Variants in EFEMP1 observed in about 807,000 individuals in gnomAD.
The protein encoded by EFEMP1 is EGF-containing fibulin-like extracellular matrix protein 1.
A neutral mutation model predicts 65.7 loss-of-function variants in EFEMP1; 18 were observed. The ratio of observed to expected loss-of-function variants is 0.27; its 90% CI spans 0.19 to 0.41. EFEMP1 has a LOEUF of 0.41. Ranked by LOEUF, EFEMP1 falls within the 10% of genes least tolerant of loss-of-function variation. The probability of loss-of-function intolerance (pLI) is 1.00; values close to 1 mark genes in which losing one functional copy is unlikely to be tolerated. For synonymous variants in EFEMP1, 237 were observed against 219.7 expected, an observed-to-expected ratio of 1.08 and a Z score of -0.70; for missense variants, 469 against 624.8, an observed-to-expected ratio of 0.75 and a Z score of 2.66.
rs887974778 is a variant in EFEMP1, at chr2:55,921,005, G to C, written c.81+1355C>G. 6.6e-6 allele frequency among the ~76,000 whole-genome samples: 1 copy of C among 152,156 alleles called. No homozygotes were observed. Reference sequence around the variant, plus strand: ...TTAAAACTATCATGTTTAAGCCACAGGGAACCTTCTCTGGTAAAAATGAGG... The same window carrying C: ...TTAAAACTATCATGTTTAAGCCACACGGAACCTTCTCTGGTAAAAATGAGG... On this transcript the variant is annotated intron_variant, in intron 3 of 11. Coordinates refer to ENST00000355426, the MANE Select transcript of EFEMP1 (RefSeq NM_001039348.3). The surrounding 1 kb of genome is among the most constrained non-coding windows in gnomAD (Gnocchi z 4.1).
At chr2:55,891,326 A>G (rs377764531) in intron 5 of EFEMP1, among the ~76,000 whole-genome samples, 16 of 152,212 alleles carry the variant, frequency 1.1e-4, no homozygotes, top group African/African-American at 3.8e-4. Flanking sequence ...GTGTTTAAAA[A>G]CAGTGTTAAC....
intron 6 of EFEMP1, among the ~76,000 whole-genome samples, chr2:55,878,099 T>C (rs1443897825): frequency 2.6e-5 from 4 of 152,142 alleles, no homozygotes; most frequent in East Asian, 1.9e-4. Flanking sequence ...GGTGGGTGGA[T>C]TGAGATTTAA....
In EFEMP1 at chr2:55,866,029, C is replaced by T. The variant is rs1228344933; in HGVS notation, c.*1044G>A. ...ATGATACATCAAAGTAAAGCAGTGA[C>T]ATTTTAAACAAGGAGACGTATAAAA... is the stretch of plus-strand genomic sequence containing the variant. On this transcript the variant is annotated 3_prime_UTR_variant, in exon 12 of 12. Transcript: ENST00000355426. 2 of 152,050 alleles carry T rather than the reference C, an allele frequency of 1.3e-5. No homozygotes were observed. Among genetic ancestry groups the T allele is most frequent in the East Asian group, 3.9e-4 (2 of 5,188 alleles). 9.4% of individuals were successfully genotyped at this position (152,050 alleles called of 1,614,324 possible). A position where few individuals can be genotyped will look rare whatever the true frequency, so the allele number is the denominator to read the frequency against.
At chr2:55,891,321 TA>T (rs1669619197) in intron 5 of EFEMP1, among the ~76,000 whole-genome samples, 1 of 152,134 alleles carries the variant, frequency 6.6e-6, no homozygotes, top group African/African-American at 2.4e-5. Context: ...CATCTGTGTT[TA>T]AAAACAGTGT....
intron 5 of EFEMP1, among the ~76,000 whole-genome samples, chr2:55,905,540 C>T (rs1427180393): frequency 2.0e-5 from 3 of 152,110 alleles, no homozygotes; most frequent in Non-Finnish European, 4.4e-5. Flanking sequence ...CTCCACCTCC[C>T]GGCTTCAAGC....
Position 55,917,827 on chromosome 2 carries a change from C to CA in EFEMP1, c.354dup (p.Val119CysfsTer11). The CA allele has an allele frequency of 6.2e-7, 1 of 1,614,248 alleles. No homozygotes were observed. The highest frequency in any genetic ancestry group is 1.1e-5 in the South Asian group (1 of 91,088). On this transcript the variant is annotated frameshift_variant, in exon 5 of 12. Coordinates refer to ENST00000355426, the MANE Select transcript of EFEMP1 (RefSeq NM_001039348.3). LOFTEE classifies it high-confidence loss of function. This position sits in a 1 kb window ranked among gnomAD's most constrained non-coding sequence, Gnocchi z 6.3. The stretch of plus-strand genomic sequence containing the variant: ...CCTGCGACTGCAGCAGCACTGGCCA[C>CA]AAAACCACCCCCGGGCAACACTCCA...
chr2:55,901,614 G>C (rs1670036105), intron 5 of EFEMP1, among the ~76,000 whole-genome samples: 1 of 152,080 alleles, frequency 6.6e-6, no homozygotes. Context: ...TTCCTATTTT[G>C]CTTTTTGAAA....
In EFEMP1 at chr2:55,923,768, C is replaced by T. The variant is rs1671005321; in HGVS notation, c.-106G>A. On this transcript the variant is annotated 5_prime_UTR_variant, in exon 1 of 12. Transcript: ENST00000355426. The surrounding 1 kb of genome is among the most constrained non-coding windows in gnomAD (Gnocchi z 5.3). ...AGCGAGGGGAGTGCGCAGGGGAGGG[C>T]AGCCCCGTGGGTCTGATCTGGCGAA... The T allele has an allele frequency of 2.0e-6, 2 of 986,212 alleles. No individual in the cohort carries two copies. Among genetic ancestry groups the T allele is most frequent in the South Asian group, 4.7e-5 (1 of 21,312 alleles). The allele number at this position is 986,212 out of a possible 1,614,324, so 61.1% of individuals were successfully genotyped here.
At chr2:55,881,877 A>C in intron 5 of EFEMP1, 143 bp from the exon 6 acceptor site, 1 of 1,135,202 alleles carries the variant, frequency 8.8e-7, no homozygotes, top group South Asian at 1.3e-5. Flanking sequence ...TAAAATTATA[A>C]ATTATTTCAA....
In EFEMP1 at chr2:55,886,199, G is replaced by A. The variant is rs1263890197; in HGVS notation, c.518-4465C>T. On this transcript the variant is annotated intron_variant, in intron 5 of 11. Coordinates refer to ENST00000355426, the MANE Select transcript of EFEMP1 (RefSeq NM_001039348.3). This position sits in a 1 kb window ranked among gnomAD's most constrained non-coding sequence, Gnocchi z 4.0. ...CACTCCCTGTGTGATCTAGGGTCAT[G>A]GTATCAATTTTTTCTCTTTGTTTCT... Among the ~76,000 whole-genome samples, 1 of 152,138 alleles carries A rather than the reference G, an allele frequency of 6.6e-6. No individual in the cohort carries two copies. Among genetic ancestry groups the A allele is most frequent in the Non-Finnish European group, 1.5e-5 (1 of 68,016 alleles).
At chr2:55,887,566 T>G (rs1180019168) in intron 5 of EFEMP1, among the ~76,000 whole-genome samples, 1 of 152,206 alleles carries the variant, frequency 6.6e-6, no homozygotes, top group Non-Finnish European at 1.5e-5. Flanking sequence ...TTCACCCTTC[T>G]GAAATTATCA....
intron 5 of EFEMP1, among the ~76,000 whole-genome samples, chr2:55,901,774 A>G (rs1272429324): frequency 6.6e-6 from 1 of 152,194 alleles, no homozygotes; most frequent in Non-Finnish European, 1.5e-5. Flanking sequence ...AACGAACAGT[A>G]TATGGCAAAA....
At chr2:55,894,115 C>T (rs1278240736) in intron 5 of EFEMP1, among the ~76,000 whole-genome samples, 1 of 152,112 alleles carries the variant, frequency 6.6e-6, no homozygotes, top group South Asian at 2.1e-4. Context: ...AGAATCGCTT[C>T]ATGGCAATGA....
intron 5 of EFEMP1, 96 bp from the exon 6 acceptor site, chr2:55,881,830 T>G: frequency 4.9e-6 from 7 of 1,423,160 alleles, no homozygotes; most frequent in Non-Finnish European, 6.9e-6. Flanking sequence ...TTTACTTTAT[T>G]CTTAAAAGTT....
chr2:55,890,266 C>T (rs1018816895), intron 5 of EFEMP1, among the ~76,000 whole-genome samples: 1 of 151,624 alleles, frequency 6.6e-6, no homozygotes, highest in Non-Finnish European at 1.5e-5. Context: ...TTTCAGTTTA[C>T]CAGGAATATG....
At chr2:55,895,763 T>G (rs6761658) in intron 5 of EFEMP1, among the ~76,000 whole-genome samples, 87,779 of 150,160 alleles carry the variant, frequency 0.58, 26,994 homozygotes, top group East Asian at 0.9. Context: ...GGATTGTCTC[T>G]ATCTCCTGAC....
rs934937002 is a variant in EFEMP1, at chr2:55,877,753, G to C, written c.753C>G (p.Thr251=). The C allele has an allele frequency of 2.5e-6, 4 of 1,613,080 alleles. No individual in the cohort carries two copies. Among genetic ancestry groups the C allele is most frequent in the Non-Finnish European group, 3.4e-6 (4 of 1,179,266 alleles). The change falls in exon 7 of 12, where the codon ACC becomes ACG. Residue 251 remains threonine, a synonymous_variant. Transcript: ENST00000355426. The surrounding 1 kb of genome is among the most constrained non-coding windows in gnomAD (Gnocchi z 4.5). ...PGFQLAANNY[T]CVDINECDAS... ...AGTTCTCAAAAGGCTTACCTACGCA[G>C]GTATAGTTGTTTGCTGCCAATTGAA...
Position 55,922,491 on chromosome 2 carries a change from G to C in EFEMP1, c.-7-44C>G. On this transcript the variant is annotated intron_variant, in intron 2 of 11. Transcript: ENST00000355426. This position sits in a 1 kb window ranked among gnomAD's most constrained non-coding sequence, Gnocchi z 5.5. ...CAAACTAATGTTTAGTATCTGCTGC[G>C]GGGAAAGTAACAAAACTTTAGCAGT... The C allele has an allele frequency of 6.4e-7, 1 of 1,570,684 alleles. No homozygotes were observed. Among genetic ancestry groups the C allele is most frequent in the East Asian group, 2.3e-5 (1 of 44,346 alleles).
chr2:55,904,961 A>G (rs938289004), intron 5 of EFEMP1, among the ~76,000 whole-genome samples: 5 of 127,928 alleles, frequency 3.9e-5, no homozygotes, highest in African/African-American at 1.5e-4. Flanking sequence ...TCTAAGGGAT[A>G]GTGGCTTTTT....
Sources: allele counts gnomAD v4.1 joint callset (sites outside exome capture counted in the v4.1 genomes callset), GRCh38; gene constraint gnomAD v4.1.1; non-coding constraint Gnocchi (gnomAD v3.1); transcripts MANE v1.5; gene names NCBI Gene and HGNC (gene_info 2026-07-23, HGNC 2026-07-21).